TWF1: variants seen among roughly 807,000 people sequenced by gnomAD.
TWF1 encodes the protein twinfilin-1.
Under a neutral mutation model 47.9 loss-of-function variants are expected in TWF1, and 14 were observed. That is an observed-to-expected ratio of 0.29 (90% CI 0.19 to 0.46). The LOEUF (loss-of-function observed/expected upper bound fraction) is 0.46. TWF1 is among the 20% of genes least tolerant of loss of function. The pLI is 1.00. For synonymous variants in TWF1, 96 were observed against 139.2 expected (o/e 0.69, Z 2.18); for missense variants, 281 against 409.3 (o/e 0.69, Z 2.70).
chr12:43,796,914 AC>A (rs1260561208), intron 8 of TWF1, 61 bp downstream of exon 8: 1 of 1,498,956 alleles, frequency 6.7e-7, no homozygotes, highest in Non-Finnish European at 9.2e-7. Context: ...TACATCATAA[AC>A]TACATAGAAA....
At chr12:43,805,911 G>A in intron 1 of TWF1, 2 of 1,494,094 alleles carry the variant, frequency 1.3e-6, no homozygotes, top group East Asian at 2.8e-5. Context: ...GGGGAAAGTT[G>A]GGCGACTGTC....
chr12:43,799,446 G>T lies in TWF1; in HGVS notation c.435C>A (p.Ala145=). Residue 145 remains alanine, a synonymous_variant, in exon 5 of 9, where the codon GCC becomes GCA. Coordinates refer to ENST00000395510, the MANE Select transcript of TWF1 (RefSeq NM_002822.5). ...KKYLLSQSSP[A]PLTAAEEELR... ...GTTCTTCCTCAGCTGCAGTCAGTGG[G>T]GCAGGGGAAGATTGTGACAGCAAGT... 6.2e-7 allele frequency: 1 copy of T among 1,610,294 alleles called. No individual in the cohort carries two copies. Among genetic ancestry groups the T allele is most frequent in the Middle Eastern group, 1.9e-4 (1 of 5,162 alleles).
intron 8 of TWF1, among the ~76,000 whole-genome samples, chr12:43,796,287 T>G (rs1942549243): frequency 6.6e-6 from 1 of 152,144 alleles, no homozygotes; most frequent in Admixed American, 6.5e-5. Context: ...CTATAGAAGG[T>G]GCTACCCATG....
chr12:43,804,341 G>T, intron 2 of TWF1, 154 bp downstream of exon 2: 1 of 612,256 alleles, frequency 1.6e-6, no homozygotes, highest in Middle Eastern at 2.6e-4. Context: ...GGCCCATAGG[G>T]ACCTGCACAA....
chr12:43,799,105 T>C (rs1017249994), intron 5 of TWF1, among the ~76,000 whole-genome samples: 11 of 152,104 alleles, frequency 7.2e-5, no homozygotes, highest in African/African-American at 2.4e-5. Context: ...TTTCTCTATA[T>C]AATATTCAAA....
At chr12:43,805,427 C>T (rs1197648194) in intron 1 of TWF1, 6 of 385,646 alleles carry the variant, frequency 1.6e-5, no homozygotes, top group Middle Eastern at 7.3e-4. Context: ...GAGAAAGACT[C>T]GCTATTAACA....
In TWF1 at chr12:43,794,640, AC is replaced by A. The variant is rs1244571765; in HGVS notation, c.*944del. Reference sequence around the variant, plus strand: ...AACTGATAATGCAAAGCATTAGAAAACAGTTAAATGTGTTTTGAAATACAGT... The same window carrying A: ...AACTGATAATGCAAAGCATTAGAAAAAGTTAAATGTGTTTTGAAATACAGT... On this transcript the variant is annotated 3_prime_UTR_variant, in exon 9 of 9. Coordinates refer to ENST00000395510, the MANE Select transcript of TWF1 (RefSeq NM_002822.5). 6.6e-6 allele frequency: 1 copy of A among 150,684 alleles called. No homozygotes were observed. The highest frequency in any genetic ancestry group is 1.5e-5 in the Non-Finnish European group (1 of 67,690). The allele number at this position is 150,684 out of a possible 1,614,324, so 9.3% of individuals were successfully genotyped here.
chr12:43,797,586 A>C, intron 6 of TWF1, 122 bp downstream of exon 6: 1 of 1,428,238 alleles, frequency 7.0e-7, no homozygotes, highest in Non-Finnish European at 9.4e-7. Flanking sequence ...ATGAACATTT[A>C]CAAAATGAAT....
chr12:43,806,213 G>A lies in TWF1; in HGVS notation c.25+8C>T, dbSNP rs1942769296. On this transcript the variant is annotated splice_region_variant and intron_variant, in intron 1 of 8. Coordinates refer to ENST00000395510, the MANE Select transcript of TWF1 (RefSeq NM_002822.5). ...CCCTTCCCTGCGAGTCGCGCCGGGC[G>A]CTGTTACCTTGGATGCCGGTCTGGT... is the stretch of plus-strand genomic sequence containing the variant. 3.2e-6 allele frequency: 5 copies of A among 1,540,190 alleles called. No homozygotes were observed. The highest frequency in any genetic ancestry group is 1.9e-4 in the Middle Eastern group (1 of 5,250).
intron 8 of TWF1, among the ~76,000 whole-genome samples, chr12:43,796,112 G>A (rs1311406206): frequency 6.6e-6 from 1 of 152,134 alleles, no homozygotes; most frequent in East Asian, 1.9e-4. Flanking sequence ...TACAAGAGAG[G>A]TAAACAAACC....
rs368917656 is a variant in TWF1 at position 43,795,695 on chromosome 12, T to C, written c.943A>G (p.Lys315Glu). Residue 315 changes from lysine to glutamate, a missense_variant, in exon 9 of 9, where the codon AAG becomes GAG. Lys to Glu is a moderately conservative substitution (Grantham distance 56, BLOSUM62 1). Transcript: ENST00000395510. ...ADFLYEEVHP[K>E]QHAHKQSFAK... is the part of the protein sequence containing the mutation. ...AAACTTTGCTTGTGTGCATGCTGCTTGGGATGTACTTCTTCATAAAGGAAG... is the reference window on the plus strand; with the variant it reads ...AAACTTTGCTTGTGTGCATGCTGCTCGGGATGTACTTCTTCATAAAGGAAG... 7 of 1,613,820 alleles carry C rather than the reference T, an allele frequency of 4.3e-6. No homozygotes were observed. The African/African-American group carries it at 9.3e-5, about 22-fold the overall frequency.
chr12:43,804,329 G>T (rs1299549305), intron 2 of TWF1, 166 bp downstream of exon 2: 1 of 589,904 alleles, frequency 1.7e-6, no homozygotes, highest in Non-Finnish European at 3.1e-6. Flanking sequence ...AATGAAATTA[G>T]GGGCCCATAG....
intron 1 of TWF1, chr12:43,805,597 A>G (rs1312411744): frequency 4.2e-6 from 2 of 474,980 alleles, no homozygotes; most frequent in African/African-American, 4.0e-5. Context: ...GTCTGCACGC[A>G]TTACATGCAA....
chr12:43,802,968 C>G (rs1183344477), intron 2 of TWF1, among the ~76,000 whole-genome samples: 1 of 152,160 alleles, frequency 6.6e-6, no homozygotes, highest in East Asian at 1.9e-4. Context: ...GGTATAGCCA[C>G]TTTGAAATGG....
intron 5 of TWF1, among the ~76,000 whole-genome samples, chr12:43,799,037 T>C (rs1942610581): frequency 6.6e-6 from 1 of 152,046 alleles, no homozygotes; most frequent in African/African-American, 2.4e-5. Flanking sequence ...AAAACAATAA[T>C]CTGCTTCAGG....
rs370995536 is a variant in TWF1, at chr12:43,802,393, G to A, written c.175C>T (p.Pro59Ser). The A allele has an allele frequency of 3.7e-6, 6 of 1,605,306 alleles. No individual in the cohort carries two copies. The African/African-American group carries it at 8.1e-5, about 22-fold the overall frequency. The change falls in exon 3 of 9, where the codon CCC (proline) becomes TCC (serine). Residue 59 changes from proline (P) to serine (S), a missense_variant. Physicochemically the swap from Pro to Ser is moderately conservative, Grantham distance 74. Coordinates refer to ENST00000395510, the MANE Select transcript of TWF1 (RefSeq NM_002822.5). ...CATGGTTGTTTGTCCTCCAACAGGG[G>A]TAAAACAAAGGAATCATAATCCTTA... ...WDKDYDSFVL[P>S]LLEDKQPCYI...
chr12:43,805,714 A>C (rs1458805136), intron 1 of TWF1: 1 of 1,031,902 alleles, frequency 9.7e-7, no homozygotes, highest in Non-Finnish European at 1.3e-6. Context: ...TTTGGAGAGA[A>C]AATGCGGGAG....
At position 43,795,587 on chromosome 12, in the gene TWF1, A is replaced by G; in HGVS notation, c.1051T>C (p.Ter351GlnextTer22). The change falls in exon 9 of 9, where the codon TAA becomes CAA. Residue 351 changes from the stop codon to glutamine, a stop_lost. Coordinates refer to ENST00000395510, the MANE Select transcript of TWF1 (RefSeq NM_002822.5). Reference protein sequence around the residue: ...GPAETEATTD* With the variant: ...GPAETEATTDQ ...TTACAATGTTTAATGTGATGACTTTAATCAGTAGTAGCTTCAGTTTCCGCT... is the reference window on the plus strand; with the variant it reads ...TTACAATGTTTAATGTGATGACTTTGATCAGTAGTAGCTTCAGTTTCCGCT... 1 of 1,611,460 alleles carries G rather than the reference A, an allele frequency of 6.2e-7. No homozygotes were observed. The highest frequency in any genetic ancestry group is 8.5e-7 in the Non-Finnish European group (1 of 1,179,606).
intron 5 of TWF1, chr12:43,798,578 T>C (rs1274127544): frequency 6.6e-6 from 10 of 1,523,640 alleles, no homozygotes. Flanking sequence ...AATATGATCC[T>C]CTGGGCTCTG....
Sources: allele counts gnomAD v4.1 joint callset (sites outside exome capture counted in the v4.1 genomes callset), GRCh38; gene constraint gnomAD v4.1.1; transcripts MANE v1.5; gene names NCBI Gene and HGNC (gene_info 2026-07-23, HGNC 2026-07-21).